Variants in SLC25A36 observed in about 807,000 individuals in gnomAD.
The protein encoded by SLC25A36 is solute carrier family 25 member 36, also known as epididymis secretory sperm binding protein.
Under a neutral mutation model 35.3 loss-of-function variants are expected in SLC25A36, and 24 were observed. The ratio of observed to expected loss-of-function variants is 0.68; its 90% CI spans 0.49 to 0.96. SLC25A36 has a LOEUF of 0.96. Ranked by LOEUF, SLC25A36 falls within the 40% of genes least tolerant of loss-of-function variation. SLC25A36 has a pLI of 0.00. For synonymous variants in SLC25A36, 141 were observed against 132.2 expected (o/e 1.07, Z -0.46); for missense variants, 294 against 381.1 (o/e 0.77, Z 1.90).
intron 4 of SLC25A36, chr3:140,964,387 G>A (rs1934708518): frequency 1.3e-5 from 2 of 151,884 alleles, no homozygotes; most frequent in East Asian, 3.8e-4. Flanking sequence ...GAAACCTTGG[G>A]CAAATTATGT....
Position 140,974,042 on chromosome 3 carries a change from C to T in SLC25A36, c.742+37C>T, listed in dbSNP as rs79069385. The T allele has an allele frequency of 7.2e-6, 10 of 1,392,378 alleles. No individual in the cohort carries two copies. In the East Asian group the frequency reaches 1.9e-4, roughly 26 times the overall value. The allele number at this position is 1,392,378 out of a possible 1,614,324, so 86.3% of individuals were successfully genotyped here. ...TATCTATTAAATCAGAAATATTTTC[C>T]CACCCCAGCCAACAGCTCACTTATT... On this transcript the variant is annotated intron_variant, in intron 6 of 6. Transcript: ENST00000324194.
intron 1 of SLC25A36, among the ~76,000 whole-genome samples, chr3:140,952,297 A>T (rs1934349422): frequency 6.6e-6 from 1 of 151,824 alleles, no homozygotes; most frequent in African/African-American, 2.4e-5. Flanking sequence ...GGATTACAGA[A>T]GTGAGCCACA....
In SLC25A36 at chr3:140,970,876, A is replaced by G. The variant is rs746416545; in HGVS notation, c.386-51A>G. ...TCTAATTTTTAAAACCTTAAAGTTA[A>G]TAGTGAATTCTTCATTTTTACCAGA... On this transcript the variant is annotated intron_variant, in intron 4 of 6. Coordinates refer to ENST00000324194, the MANE Select transcript of SLC25A36 (RefSeq NM_001104647.3). 3 of 808,396 alleles carry G rather than the reference A, an allele frequency of 3.7e-6. No individual in the cohort carries two copies. In the Admixed American group the frequency reaches 5.5e-5, roughly 15 times the overall value. 50.1% of individuals were successfully genotyped at this position (808,396 alleles called of 1,614,324 possible).
intron 4 of SLC25A36, chr3:140,964,414 T>G (rs1488812127): frequency 1.3e-5 from 2 of 151,942 alleles, no homozygotes; most frequent in African/African-American, 4.8e-5. Flanking sequence ...TGTGAACCTC[T>G]CTTAGCTTAC....
chr3:140,944,702 C>T, intron 1 of SLC25A36, among the ~76,000 whole-genome samples: 1 of 130,408 alleles, frequency 7.7e-6, no homozygotes, highest in Non-Finnish European at 1.6e-5. Context: ...GAAGTATTTT[C>T]TTTGCAGCTC....
At position 140,950,906 on chromosome 3, in the gene SLC25A36, GTGTCTGTGTGTC is replaced by G. The variant is rs1485096987; in HGVS notation, c.42-5617_42-5606del. Among the ~76,000 whole-genome samples the G allele has an allele frequency of 5.1e-3, 654 of 127,742 alleles. 7 individuals carry two copies. Among genetic ancestry groups the G allele is most frequent in the African/African-American group, 0.016 (472 of 28,692 alleles). 83.8% of individuals were successfully genotyped at this position (127,742 alleles called of 152,430 possible). On this transcript the variant is annotated intron_variant, in intron 1 of 6. Transcript: ENST00000324194. ...AGCGTGTGTGTGTGTGTCTCTGTGT[GTGTCTGTGTGTC>G]TGTGTGTGTGTGTGTGTGTGTGTAA...
intron 5 of SLC25A36, chr3:140,972,750 G>C (rs1934939070): frequency 6.6e-6 from 1 of 152,130 alleles, no homozygotes. Context: ...CAGTTGGTTT[G>C]TGGATCATTT....
Position 140,959,548 on chromosome 3 carries a change from A to G in SLC25A36, c.284+8A>G. Reference sequence around the variant, plus strand: ...GGGGGTAGCCCCTTCCAGGTAAAAAAAAAAAAAAATTGTTTAAAGCAAGTT... The same window carrying G: ...GGGGGTAGCCCCTTCCAGGTAAAAAGAAAAAAAAATTGTTTAAAGCAAGTT... On this transcript the variant is annotated splice_region_variant and intron_variant, in intron 3 of 6. Transcript: ENST00000324194. The G allele has an allele frequency of 1.4e-6, 2 of 1,424,090 alleles. No homozygotes were observed. The highest frequency in any genetic ancestry group is 1.8e-6 in the Non-Finnish European group (2 of 1,086,510). The allele number at this position is 1,424,090 out of a possible 1,614,324, so 88.2% of individuals were successfully genotyped here. A position where few individuals can be genotyped will look rare whatever the true frequency, so the allele number is the denominator to read the frequency against.
intron 4 of SLC25A36, chr3:140,970,720 TGTTA>T (rs1934878635): frequency 2.4e-5 from 9 of 381,834 alleles, no homozygotes; most frequent in South Asian, 1.4e-4. Flanking sequence ...TAAAAGAATC[TGTTA>T]GTTAAGGACA....
chr3:140,975,710 T>G lies in SLC25A36; in HGVS notation c.743-550T>G, dbSNP rs527399970. Among the ~76,000 whole-genome samples the G allele has an allele frequency of 2.6e-5, 4 of 152,316 alleles. No homozygotes were observed. In the East Asian group the frequency reaches 5.8e-4, roughly 22 times the overall value. ...TAAGGTTCATTCAGCTCTTAAAAATTTATTATTTTTGCTTACCTGATTCCC... is the reference window on the plus strand; with the variant it reads ...TAAGGTTCATTCAGCTCTTAAAAATGTATTATTTTTGCTTACCTGATTCCC... On this transcript the variant is annotated intron_variant, in intron 6 of 6. Transcript: ENST00000324194.
chr3:140,973,977 T>C lies in SLC25A36; in HGVS notation c.714T>C (p.Thr238=). 6.3e-7 allele frequency: 1 copy of C among 1,582,970 alleles called. No individual in the cohort carries two copies. Among genetic ancestry groups the C allele is most frequent in the Admixed American group, 1.7e-5 (1 of 58,136 alleles). Residue 238 remains threonine (T), a synonymous_variant, in exon 6 of 7, where the codon ACT becomes ACC. Coordinates refer to ENST00000324194, the MANE Select transcript of SLC25A36 (RefSeq NM_001104647.3). ...GMMLAAATSK[T]CATTIAYPHE... ...TGCTAGCTGCTGCCACCTCAAAAAC[T>C]TGTGCCACAACTATAGCATATCCAC...
At chr3:140,958,200 C>T in intron 2 of SLC25A36, among the ~76,000 whole-genome samples, 1 of 152,294 alleles carries the variant, frequency 6.6e-6, no homozygotes, top group East Asian at 1.9e-4. Context: ...AAAGATCCCT[C>T]TTAAGCAGAT....
At chr3:140,959,002 G>C (rs1182311858) in intron 2 of SLC25A36, among the ~76,000 whole-genome samples, 3 of 127,874 alleles carry the variant, frequency 2.3e-5, no homozygotes, top group African/African-American at 9.7e-5. Flanking sequence ...GTGTGTGTGT[G>C]TGTGTGTTTT....
chr3:140,967,860 T>G (rs1934802552), intron 4 of SLC25A36: 2 of 434,070 alleles, frequency 4.6e-6, no homozygotes, highest in African/African-American at 2.1e-5. Context: ...TCTTCTTAAC[T>G]TACAAATGGA....
At position 140,980,491 on chromosome 3, in the gene SLC25A36, T is replaced by C. The variant is rs1489311868; in HGVS notation, c.*4038T>C. ...AATCTGAAATTGTTGGTTCTACTAATAGTACTCTGCACTGAAGGCACTGGC... is the reference window on the plus strand; with the variant it reads ...AATCTGAAATTGTTGGTTCTACTAACAGTACTCTGCACTGAAGGCACTGGC... On this transcript the variant is annotated 3_prime_UTR_variant, in exon 7 of 7. Transcript: ENST00000324194. Among the ~76,000 whole-genome samples, 2 of 152,188 alleles carry C rather than the reference T, an allele frequency of 1.3e-5. No individual in the cohort carries two copies. Among genetic ancestry groups the C allele is most frequent in the South Asian group, 2.1e-4 (1 of 4,830 alleles).
At chr3:140,951,899 T>TCA (rs913619486) in intron 1 of SLC25A36, among the ~76,000 whole-genome samples, 1 of 152,138 alleles carries the variant, frequency 6.6e-6, no homozygotes, top group Non-Finnish European at 1.5e-5. Flanking sequence ...GATAGTGCAA[T>TCA]CACAGCTCAC....
chr3:140,973,872 A>C lies in SLC25A36; in HGVS notation c.609A>C (p.Lys203Asn). 6.2e-7 allele frequency: 1 copy of C among 1,613,524 alleles called. No individual in the cohort carries two copies. Reference sequence around the variant, plus strand: ...TTATTTATGAAAGTATAAAACAAAAACTACTGGAATATAAGACTGCTTCTA... The same window carrying C: ...TTATTTATGAAAGTATAAAACAAAACCTACTGGAATATAAGACTGCTTCTA... ...HFVIYESIKQKLLEYKTASTM... is the reference protein window; with the variant it reads ...HFVIYESIKQNLLEYKTASTM... The change falls in exon 6 of 7, where the codon AAA (lysine) becomes AAC (asparagine). Residue 203 changes from lysine to asparagine, a missense_variant. Physicochemically the swap from Lys to Asn is moderately conservative, Grantham distance 94 (BLOSUM62 0). Around this residue, in one of 2 missense-constraint regions of SLC25A36, gnomAD observed 109 missense variants for 179.7 expected, o/e 0.61. Transcript: ENST00000324194.
At chr3:140,958,440 C>A (rs1292264622) in intron 2 of SLC25A36, among the ~76,000 whole-genome samples, 2 of 152,140 alleles carry the variant, frequency 1.3e-5, no homozygotes, top group Non-Finnish European at 2.9e-5. Context: ...TGTTACAATT[C>A]TTTTTACCAA....
intron 1 of SLC25A36, among the ~76,000 whole-genome samples, chr3:140,950,896 GTC>G (rs58451065): frequency 1.1e-4 from 16 of 145,458 alleles, no homozygotes; most frequent in Middle Eastern, 3.4e-3. Flanking sequence ...GTGTGTGTGT[GTC>G]TCTGTGTGTG....
Sources: allele counts gnomAD v4.1 joint callset (sites outside exome capture counted in the v4.1 genomes callset), GRCh38; gene constraint gnomAD v4.1.1; regional missense constraint gnomAD v4.1.1; transcripts MANE v1.5; gene names NCBI Gene and HGNC (gene_info 2026-07-23, HGNC 2026-07-21).